VIL1: variants seen among roughly 807,000 people sequenced by gnomAD.
VIL1 encodes villin-1.
VIL1 carries 86 observed loss-of-function variants against 104.0 expected under a neutral mutation model. The observed-to-expected ratio is 0.83, with a 90% confidence interval of 0.69 to 0.99. The LOEUF is 0.99. Among genes scored for constraint, VIL1 ranks in the 50% least tolerant of loss-of-function variants. The pLI is 0.00. For synonymous variants in VIL1, 394 were observed against 412.6 expected (o/e 0.95, Z 0.55); for missense variants, 944 against 1,054.1 (o/e 0.90, Z 1.45).
chr2:218,436,196 G>C (rs1689185945), intron 15 of VIL1, among the ~76,000 whole-genome samples: 1 of 152,070 alleles, frequency 6.6e-6, no homozygotes, highest in Non-Finnish European at 1.5e-5. Flanking sequence ...AAAAGCAAAA[G>C]GGCATGTACT....
chr2:218,421,173 C>T (rs552059269), intron 1 of VIL1, among the ~76,000 whole-genome samples: 1 of 151,700 alleles, frequency 6.6e-6, no homozygotes, highest in Non-Finnish European at 1.5e-5. Context: ...TGCAAGCAGG[C>T]GTGGGGTGAG....
intron 19 of VIL1, among the ~76,000 whole-genome samples, chr2:218,444,480 G>T (rs1049297681): frequency 2.0e-5 from 3 of 151,492 alleles, no homozygotes; most frequent in Non-Finnish European, 4.4e-5. Context: ...GGGTTTCACT[G>T]TGTTAGCCAG....
At chr2:218,440,175 A>G (rs1474500552) in intron 18 of VIL1, among the ~76,000 whole-genome samples, 1 of 152,162 alleles carries the variant, frequency 6.6e-6, no homozygotes, top group Non-Finnish European at 1.5e-5. Flanking sequence ...TAGATCTCCA[A>G]CTCTGGGGAA....
At chr2:218,439,318 C>G (rs976556175) in intron 18 of VIL1, among the ~76,000 whole-genome samples, 3 of 152,016 alleles carry the variant, frequency 2.0e-5, no homozygotes, top group Non-Finnish European at 2.9e-5. Context: ...ATTCCAAGGC[C>G]CCATTCCCAA....
intron 19 of VIL1, among the ~76,000 whole-genome samples, chr2:218,447,784 GT>G (rs1689390963): frequency 1.3e-5 from 2 of 151,048 alleles, no homozygotes; most frequent in African/African-American, 4.9e-5. Flanking sequence ...TTGGAGTACA[GT>G]GGCACAATCT....
At chr2:218,445,865 T>C (rs575962840) in intron 19 of VIL1, among the ~76,000 whole-genome samples, 1 of 152,278 alleles carries the variant, frequency 6.6e-6, no homozygotes, top group South Asian at 2.1e-4. Flanking sequence ...GGAACAAAGG[T>C]CATTTCAGTG....
chr2:218,432,604 G>T lies in VIL1; in HGVS notation c.1342-189G>T, dbSNP rs538075128. 68 of 876,594 alleles carry T rather than the reference G, an allele frequency of 7.8e-5. No homozygotes were observed. The African/African-American group carries it at 9.6e-4, about 12-fold the overall frequency. 54.3% of individuals were successfully genotyped at this position (876,594 alleles called of 1,614,324 possible). ...CTGGGTCTGGGAAAGAATTAGGTTT[G>T]AGGTTGAGATCAGAACTGAGGTATG... On this transcript the variant is annotated intron_variant, in intron 12 of 19. Transcript: ENST00000248444.
At chr2:218,426,821 C>T (rs1016677510) in intron 4 of VIL1, among the ~76,000 whole-genome samples, 8 of 152,038 alleles carry the variant, frequency 5.3e-5, no homozygotes, top group African/African-American at 1.2e-4. Flanking sequence ...CCAGGATGGT[C>T]TCAATCTCCT....
intron 15 of VIL1, among the ~76,000 whole-genome samples, chr2:218,436,234 A>C (rs1689186574): frequency 6.6e-6 from 1 of 152,154 alleles, no homozygotes; most frequent in African/African-American, 2.4e-5. Context: ...GATGGAGGGA[A>C]GATATCAGGA....
rs753567119 is a variant in VIL1 at position 218,425,755 on chromosome 2, C to A, written c.291C>A (p.Arg97=). ...TGAAGGGCCGGGCTGTGCAGCACCG[C>A]GAGGTCCAGGGCAACGAGAGCGAGG... The part of the protein sequence containing the change: ...DFLKGRAVQH[R]EVQGNESEAF... Residue 97 remains arginine, a synonymous_variant, in exon 4 of 20, where the codon CGC becomes CGA. Coordinates refer to ENST00000248444, the MANE Select transcript of VIL1 (RefSeq NM_007127.3). The A allele has an allele frequency of 6.2e-7, 1 of 1,613,884 alleles. No individual in the cohort carries two copies. Among genetic ancestry groups the A allele is most frequent in the African/African-American group, 1.3e-5 (1 of 74,920 alleles).
chr2:218,437,835 G>T (rs1393723157), intron 17 of VIL1, among the ~76,000 whole-genome samples: 4 of 152,080 alleles, frequency 2.6e-5, no homozygotes, highest in Non-Finnish European at 5.9e-5. Flanking sequence ...CCTCCCACGG[G>T]GTGTTTCCTA....
Position 218,436,607 on chromosome 2 carries a change from TAC to T in VIL1, c.1953_1954del (p.Leu652ArgfsTer38). 2 of 1,614,106 alleles carry T rather than the reference TAC, an allele frequency of 1.2e-6. No homozygotes were observed. Among genetic ancestry groups the T allele is most frequent in the Non-Finnish European group, 1.7e-6 (2 of 1,180,008 alleles). Reference sequence around the variant, plus strand: ...GACTTGGAAGAGGATGATGTGTTCCTACTAGATGTCTGGGACCAGGTAGGACC... The same window carrying T: ...GACTTGGAAGAGGATGATGTGTTCCTTAGATGTCTGGGACCAGGTAGGACC... On this transcript the variant is annotated frameshift_variant, in exon 16 of 20. Transcript: ENST00000248444. LOFTEE classifies it high-confidence loss of function.
chr2:218,420,923 T>G lies in VIL1; in HGVS notation c.-12+1755T>G, dbSNP rs569108262. Among the ~76,000 whole-genome samples, 209 of 152,194 alleles carry G rather than the reference T, an allele frequency of 1.4e-3. 1 individual carries two copies. Among genetic ancestry groups the G allele is most frequent in the South Asian group, 6.4e-3 (31 of 4,820 alleles). ...TGAGCACCTACTATGTGCTAGGAGC[T>G]GGGGGCTGCAAAGACAAACATATCT... On this transcript the variant is annotated intron_variant, in intron 1 of 19. Coordinates refer to ENST00000248444, the MANE Select transcript of VIL1 (RefSeq NM_007127.3).
At chr2:218,419,909 G>T (rs1283666466) in intron 1 of VIL1, among the ~76,000 whole-genome samples, 1 of 152,230 alleles carries the variant, frequency 6.6e-6, no homozygotes, top group Non-Finnish European at 1.5e-5. Flanking sequence ...GACATCATCT[G>T]CTGGGGCAGA....
chr2:218,449,532 G>A lies in VIL1; in HGVS notation c.*196G>A. Reference sequence around the variant, plus strand: ...AGATGATACCCCAAAAGGAGCCTATGGTCCTCATTTCAACTTCTAAGGTCG... The same window carrying A: ...AGATGATACCCCAAAAGGAGCCTATAGTCCTCATTTCAACTTCTAAGGTCG... On this transcript the variant is annotated 3_prime_UTR_variant, in exon 20 of 20. Coordinates refer to ENST00000248444, the MANE Select transcript of VIL1 (RefSeq NM_007127.3). 1 of 496,276 alleles carries A rather than the reference G, an allele frequency of 2.0e-6. No homozygotes were observed. Among genetic ancestry groups the A allele is most frequent in the Non-Finnish European group, 3.7e-6 (1 of 271,624 alleles). 30.7% of individuals were successfully genotyped at this position (496,276 alleles called of 1,614,324 possible). A position where few individuals can be genotyped will look rare whatever the true frequency, so the allele number is the denominator to read the frequency against.
At chr2:218,437,096 T>C in intron 16 of VIL1, 28 bp from the exon 17 acceptor site, 1 of 1,606,304 alleles carries the variant, frequency 6.2e-7, no homozygotes, top group Non-Finnish European at 8.5e-7. Flanking sequence ...ACAGGAAGGA[T>C]GGACTGATCC....
At position 218,427,961 on chromosome 2, in the gene VIL1, T is replaced by A. The variant is rs1681862778; in HGVS notation, c.348-4T>A. ...TCCTTGGGTCAGCTCACCTCTCTTC[T>A]CAGGATCCGGAAAGGGGGCGTGGCT... On this transcript the variant is annotated splice_region_variant and splice_polypyrimidine_tract_variant and intron_variant, in intron 4 of 19. Coordinates refer to ENST00000248444, the MANE Select transcript of VIL1 (RefSeq NM_007127.3). 2.5e-6 allele frequency: 4 copies of A among 1,613,752 alleles called. No individual in the cohort carries two copies. The highest frequency in any genetic ancestry group is 3.3e-5 in the Admixed American group (2 of 59,990).
Position 218,449,276 on chromosome 2 carries a change from C to T in VIL1, c.2424C>T (p.Ala808=). 6.2e-7 allele frequency: 1 copy of T among 1,614,100 alleles called. No homozygotes were observed. Among genetic ancestry groups the T allele is most frequent in the Non-Finnish European group, 8.5e-7 (1 of 1,179,962 alleles). The part of the protein sequence containing the change: ...FTQAFGMTPA[A]FSALPRWKQQ... The stretch of plus-strand genomic sequence containing the variant: ...AGGCCTTTGGGATGACTCCAGCTGC[C>T]TTCTCTGCTCTGCCTCGATGGAAGC... The change falls in exon 20 of 20, where the codon GCC becomes GCT. Residue 808 remains alanine (A), a synonymous_variant. Coordinates refer to ENST00000248444, the MANE Select transcript of VIL1 (RefSeq NM_007127.3).
intron 18 of VIL1, among the ~76,000 whole-genome samples, chr2:218,440,128 C>A (rs58650092): frequency 0.35 from 52,777 of 152,080 alleles, 9,542 homozygotes; most frequent in Non-Finnish European, 0.39. Flanking sequence ...GACAATTTCA[C>A]AACAGATAAG....
Sources: allele counts gnomAD v4.1 joint callset (sites outside exome capture counted in the v4.1 genomes callset), GRCh38; gene constraint gnomAD v4.1.1; transcripts MANE v1.5; gene names NCBI Gene and HGNC (gene_info 2026-07-23, HGNC 2026-07-21).